LY75: variants seen among roughly 807,000 people sequenced by gnomAD.
The protein encoded by LY75 is C-type lectin domain family 13 member B.
LY75 carries 185 observed loss-of-function variants against 231.7 expected under a neutral mutation model. The ratio of observed to expected loss-of-function variants is 0.80; its 90% CI spans 0.71 to 0.90. The LOEUF is 0.90. Among genes scored for constraint, LY75 ranks in the 40% least tolerant of loss-of-function variants. LY75 has a pLI of 0.00. For missense variants in LY75, 1,947 were observed against 2,050.2 expected, an observed-to-expected ratio of 0.95 and a Z score of 0.97; for synonymous variants, 668 against 689.0, an observed-to-expected ratio of 0.97 and a Z score of 0.48.
intron 23 of LY75, among the ~76,000 whole-genome samples, chr2:159,848,178 A>G (rs563929413): frequency 2.0e-4 from 30 of 151,048 alleles, no homozygotes; most frequent in African/African-American, 7.3e-4. Context: ...ATATGTATAT[A>G]TATGTATGTA....
At chr2:159,840,654 T>G in intron 25 of LY75, 75 bp downstream of exon 25, 1 of 1,588,038 alleles carries the variant, frequency 6.3e-7, no homozygotes, top group South Asian at 1.1e-5. Context: ...TTTAGTCTGC[T>G]GTGAGAGAAG....
chr2:159,810,492 T>A (rs751401126), intron 32 of LY75, 34 bp downstream of exon 32: 21 of 1,591,674 alleles, frequency 1.3e-5, no homozygotes, highest in African/African-American at 6.8e-5. Flanking sequence ...TAAAAATTAT[T>A]GAGTCATAAG....
Position 159,854,523 on chromosome 2 carries a change from A to G in LY75, c.2432T>C (p.Ile811Thr). 3 of 1,612,586 alleles carry G rather than the reference A, an allele frequency of 1.9e-6. No individual in the cohort carries two copies. Among genetic ancestry groups the G allele is most frequent in the Non-Finnish European group, 2.5e-6 (3 of 1,179,426 alleles). The part of the protein sequence containing the change: ...PDWYNPDRAG[I>T]HGPPLIIEGS... ...TTCAATTATAAGTGGAGGTCCATGA[A>G]TTCCAGCACGGTCTAAAGAAGAAGA... The change falls in exon 18 of 35, where the codon ATT becomes ACT. Residue 811 changes from isoleucine to threonine, a missense_variant. Transcript: ENST00000263636.
intron 19 of LY75, 26 bp from the exon 20 acceptor site, chr2:159,853,378 A>C: frequency 6.2e-7 from 1 of 1,608,502 alleles, no homozygotes; most frequent in Non-Finnish European, 8.5e-7. Flanking sequence ...AGATTTGACA[A>C]CTCGTAATGT....
chr2:159,816,846 C>A lies in LY75; in HGVS notation c.4340G>T (p.Arg1447Leu). 1.9e-6 allele frequency: 3 copies of A among 1,614,168 alleles called. No homozygotes were observed. The highest frequency in any genetic ancestry group is 2.5e-6 in the Non-Finnish European group (3 of 1,180,014). Reference sequence around the variant, plus strand: ...CCCAACCCATAGTGGAAATCCATCACGTTTTACAATATCTTCCAGAAAGAG... The same window carrying A: ...CCCAACCCATAGTGGAAATCCATCAAGTTTTACAATATCTTCCAGAAAGAG... ...GQLFLEDIVK[R>L]DGFPLWVGLS... is the part of the protein sequence containing the mutation. The change falls in exon 30 of 35, where the codon CGT becomes CTT. Residue 1447 changes from arginine (R) to leucine (L), a missense_variant. Coordinates refer to ENST00000263636, the MANE Select transcript of LY75 (RefSeq NM_002349.4).
chr2:159,874,200 A>T (rs1426862005), intron 12 of LY75, among the ~76,000 whole-genome samples: 2 of 109,184 alleles, frequency 1.8e-5, no homozygotes, highest in Non-Finnish European at 3.6e-5. Context: ...ATATATTGTA[A>T]ATATATATAG....
chr2:159,811,262 TG>T (rs1682952903), intron 31 of LY75, among the ~76,000 whole-genome samples: 1 of 152,140 alleles, frequency 6.6e-6, no homozygotes, highest in Non-Finnish European at 1.5e-5. Flanking sequence ...ATAGCTAATT[TG>T]TTTTACAAAG....
At chr2:159,885,718 C>G (rs1685563913) in intron 5 of LY75, among the ~76,000 whole-genome samples, 1 of 152,042 alleles carries the variant, frequency 6.6e-6, no homozygotes, top group African/African-American at 2.4e-5. Flanking sequence ...ACTTCATTTG[C>G]TGGTAAGGAA....
chr2:159,804,255 C>T lies in LY75; in HGVS notation c.*789G>A, dbSNP rs1682732461. 1 of 152,214 alleles carries T rather than the reference C, an allele frequency of 6.6e-6. No individual in the cohort carries two copies. Among genetic ancestry groups the T allele is most frequent in the African/African-American group, 2.4e-5 (1 of 41,446 alleles). The allele number at this position is 152,214 out of a possible 1,614,324, so 9.4% of individuals were successfully genotyped here. The stretch of plus-strand genomic sequence containing the variant: ...AGAGGCCAGGCGCGGTGGCTCATGC[C>T]TGTAATCCCAGCACTTTGGGAGGCC... On this transcript the variant is annotated 3_prime_UTR_variant, in exon 35 of 35. Coordinates refer to ENST00000263636, the MANE Select transcript of LY75 (RefSeq NM_002349.4).
chr2:159,840,015 A>AAAAAAAAAAG (rs1294949965), intron 25 of LY75, among the ~76,000 whole-genome samples: 3 of 148,098 alleles, frequency 2.0e-5, no homozygotes, highest in Non-Finnish European at 4.5e-5. Context: ...CAAAAAAAAA[A>AAAAAAAAAAG]AAAAGAAAAA....
rs756084162 is a variant in LY75 at position 159,809,152 on chromosome 2, T to A, written c.4700-581A>T. Among the ~76,000 whole-genome samples the A allele has an allele frequency of 2.0e-4, 30 of 152,176 alleles. 1 individual carries two copies. Among genetic ancestry groups the A allele is most frequent in the Non-Finnish European group, 4.1e-4 (28 of 68,036 alleles). ...AAGATTTTTCAATCAGTCAAGTGTC[T>A]CCACAACGGTTATCAGAATAAATTA... On this transcript the variant is annotated intron_variant, in intron 32 of 34. Transcript: ENST00000263636.
chr2:159,901,546 T>C (rs1373060132), intron 1 of LY75, among the ~76,000 whole-genome samples: 1 of 152,242 alleles, frequency 6.6e-6, no homozygotes, highest in Non-Finnish European at 1.5e-5. Flanking sequence ...CTTTGCAGTT[T>C]GCAGTTCTGG....
chr2:159,810,023 C>T lies in LY75; in HGVS notation c.4699+503G>A, dbSNP rs375884570. Reference sequence around the variant, plus strand: ...CTTCCAACTTATTATTTTCCATGTACTTATTATTAACATTGATAATTTTTT... The same window carrying T: ...CTTCCAACTTATTATTTTCCATGTATTTATTATTAACATTGATAATTTTTT... On this transcript the variant is annotated intron_variant, in intron 32 of 34. Coordinates refer to ENST00000263636, the MANE Select transcript of LY75 (RefSeq NM_002349.4). 2.0e-5 allele frequency among the ~76,000 whole-genome samples: 3 copies of T among 148,526 alleles called. No homozygotes were observed. The East Asian group carries it at 6.1e-4, about 30-fold the overall frequency.
At chr2:159,835,767 C>A (rs1283197578) in intron 25 of LY75, 122 bp from the exon 26 acceptor site, 2 of 1,221,468 alleles carry the variant, frequency 1.6e-6, no homozygotes, top group South Asian at 3.2e-5. Context: ...CATTTACATA[C>A]CATTTACTAC....
intron 16 of LY75, among the ~76,000 whole-genome samples, chr2:159,855,538 A>G (rs1211192941): frequency 6.6e-6 from 1 of 152,192 alleles, no homozygotes; most frequent in Non-Finnish European, 1.5e-5. Context: ...AAATAATGGC[A>G]TGCTACACAG....
chr2:159,898,507 G>A (rs1174065007), intron 2 of LY75, among the ~76,000 whole-genome samples, 181 bp downstream of exon 2: 1 of 152,184 alleles, frequency 6.6e-6, no homozygotes, highest in Non-Finnish European at 1.5e-5. Context: ...CTGCAAAGTA[G>A]AGGCAAATAC....
chr2:159,805,660 A>G (rs966143975), intron 34 of LY75, among the ~76,000 whole-genome samples: 1 of 152,220 alleles, frequency 6.6e-6, no homozygotes, highest in African/African-American at 2.4e-5. Flanking sequence ...AGTCTCTCAG[A>G]TGAGTTCATT....
intron 25 of LY75, among the ~76,000 whole-genome samples, chr2:159,836,453 TC>T (rs1232303687): frequency 6.6e-6 from 1 of 152,112 alleles, no homozygotes. Flanking sequence ...TGACCACCCA[TC>T]TAGGTACAGG....
chr2:159,860,963 G>A, intron 14 of LY75, 74 bp from the exon 15 acceptor site: 3 of 1,556,066 alleles, frequency 1.9e-6, no homozygotes, highest in Non-Finnish European at 2.7e-6. Flanking sequence ...AATTTAGGCA[G>A]CCTTAATCAC....
Sources: allele counts gnomAD v4.1 joint callset (sites outside exome capture counted in the v4.1 genomes callset), GRCh38; gene constraint gnomAD v4.1.1; transcripts MANE v1.5; gene names NCBI Gene and HGNC (gene_info 2026-07-23, HGNC 2026-07-21).